Variants in MCM9 observed in about 807,000 individuals in gnomAD.
The protein encoded by MCM9 is minichromosome maintenance 9 homologous recombination repair factor.
Under a neutral mutation model 72.8 loss-of-function variants are expected in MCM9, and 55 were observed. The ratio of observed to expected loss-of-function variants is 0.76; its 90% CI spans 0.61 to 0.95. The LOEUF (loss-of-function observed/expected upper bound fraction) is 0.95. Among genes scored for constraint, MCM9 ranks in the 40% least tolerant of loss-of-function variants. The probability of loss-of-function intolerance (pLI) is 0.00; values close to 1 mark genes in which losing one functional copy is unlikely to be tolerated. For missense variants in MCM9, 1,279 were observed against 1,377.0 expected, an observed-to-expected ratio of 0.93 and a Z score of 1.13; for synonymous variants, 480 against 503.4, an observed-to-expected ratio of 0.95 and a Z score of 0.62.
intron 13 of MCM9, among the ~76,000 whole-genome samples, chr6:118,819,900 A>G (rs183595643): frequency 6.6e-5 from 10 of 152,282 alleles, no homozygotes; most frequent in Admixed American, 3.3e-4. Flanking sequence ...TTTCTAACTT[A>G]TCTGCATAGA....
chr6:118,917,970 G>A, intron 5 of MCM9: 1 of 555,368 alleles, frequency 1.8e-6, no homozygotes, highest in Non-Finnish European at 3.2e-6. Flanking sequence ...AAAGTGAAAA[G>A]CTGAAGTCAG....
intron 8 of MCM9, among the ~76,000 whole-genome samples, chr6:118,890,186 T>C (rs1778854249): frequency 6.6e-6 from 1 of 152,180 alleles, no homozygotes; most frequent in African/African-American, 2.4e-5. Flanking sequence ...CAAGAGTTCA[T>C]TAATCAAGTC....
At chr6:118,912,851 A>G (rs550076166) in intron 7 of MCM9, 1 of 157,056 alleles carries the variant, frequency 6.4e-6, no homozygotes, top group African/African-American at 2.4e-5. Flanking sequence ...CACATTTGCT[A>G]TCTACCAGCA....
intron 13 of MCM9, among the ~76,000 whole-genome samples, chr6:118,819,181 C>G (rs1278043988): frequency 6.6e-6 from 1 of 152,160 alleles, no homozygotes; most frequent in South Asian, 2.1e-4. Flanking sequence ...TGAGAGAGGG[C>G]ATCCTTGTCT....
intron 13 of MCM9, 24 bp downstream of exon 13, chr6:118,826,123 C>T: frequency 6.5e-7 from 1 of 1,538,150 alleles, no homozygotes; most frequent in Non-Finnish European, 8.8e-7. Flanking sequence ...CCATTGTATG[C>T]CTTTCTGGGT....
At chr6:118,844,885 C>A (rs1234406715) in intron 9 of MCM9, among the ~76,000 whole-genome samples, 1 of 151,836 alleles carries the variant, frequency 6.6e-6, no homozygotes, top group East Asian at 1.9e-4. Context: ...TTAAGTGATT[C>A]TTTGTCTTCA....
At chr6:118,886,961 T>A (rs1778646167) in intron 8 of MCM9, among the ~76,000 whole-genome samples, 1 of 151,804 alleles carries the variant, frequency 6.6e-6, no homozygotes, top group African/African-American at 2.4e-5. Flanking sequence ...CAAGATCCTA[T>A]CTCAAAAAAA....
At chr6:118,896,479 A>G (rs1779426186) in intron 8 of MCM9, among the ~76,000 whole-genome samples, 1 of 152,166 alleles carries the variant, frequency 6.6e-6, no homozygotes, top group African/African-American at 2.4e-5. Context: ...CATTGCATAG[A>G]TGAAACCAGC....
In MCM9 at chr6:118,826,765, A is replaced by T. The variant is rs1346991460; in HGVS notation, c.1815+17T>A. 2 of 1,523,710 alleles carry T rather than the reference A, an allele frequency of 1.3e-6. No homozygotes were observed. Among genetic ancestry groups the T allele is most frequent in the African/African-American group, 2.8e-5 (2 of 71,890 alleles). The allele number at this position is 1,523,710 out of a possible 1,614,324, so 94.4% of individuals were successfully genotyped here. On this transcript the variant is annotated intron_variant, in intron 12 of 13. Transcript: ENST00000619706. ...TTTGTAATTAGGATAAAAATTAGGT[A>T]CACAAAATATCCTTACCTGCATTGA...
At chr6:118,866,618 T>C (rs1201836089) in intron 8 of MCM9, among the ~76,000 whole-genome samples, 2 of 152,164 alleles carry the variant, frequency 1.3e-5, no homozygotes, top group East Asian at 3.8e-4. Context: ...TGAGACAGGT[T>C]ACTGGAAATC....
At chr6:118,874,775 A>G (rs530848001) in intron 8 of MCM9, among the ~76,000 whole-genome samples, 8 of 152,370 alleles carry the variant, frequency 5.3e-5, no homozygotes, top group Middle Eastern at 3.4e-3. Flanking sequence ...TTGCTTTCCT[A>G]TATATCAAGA....
At chr6:118,878,874 T>C (rs1778105947) in intron 8 of MCM9, among the ~76,000 whole-genome samples, 1 of 151,718 alleles carries the variant, frequency 6.6e-6, no homozygotes, top group South Asian at 2.1e-4. Context: ...CTGGGCAACA[T>C]GACAAAACCC....
intron 9 of MCM9, among the ~76,000 whole-genome samples, chr6:118,855,970 T>G (rs1313956845): frequency 6.6e-6 from 1 of 152,206 alleles, no homozygotes; most frequent in African/African-American, 2.4e-5. Flanking sequence ...CCATGAGGAT[T>G]TATAAGGAGA....
intron 3 of MCM9, among the ~76,000 whole-genome samples, chr6:118,925,542 A>G (rs1204754974): frequency 6.6e-6 from 1 of 152,208 alleles, no homozygotes; most frequent in Non-Finnish European, 1.5e-5. Flanking sequence ...GTCTACAGAT[A>G]GACTTGAATT....
At chr6:118,834,963 C>A (rs1268922517) in intron 9 of MCM9, among the ~76,000 whole-genome samples, 1 of 152,130 alleles carries the variant, frequency 6.6e-6, no homozygotes, top group East Asian at 1.9e-4. Flanking sequence ...CCTAGGTTTT[C>A]TTCTAGGGTT....
At chr6:118,896,042 T>G (rs1387785817) in intron 8 of MCM9, among the ~76,000 whole-genome samples, 4 of 73,368 alleles carry the variant, frequency 5.5e-5, no homozygotes, top group Admixed American at 4.8e-4. Flanking sequence ...TGTGCCCCCG[T>G]TTTTTTTTTT....
At chr6:118,869,685 A>G (rs1379162111) in intron 8 of MCM9, among the ~76,000 whole-genome samples, 2 of 150,814 alleles carry the variant, frequency 1.3e-5, no homozygotes, top group African/African-American at 4.8e-5. Flanking sequence ...AATGTAAATG[A>G]TTAAATTATC....
intron 8 of MCM9, among the ~76,000 whole-genome samples, chr6:118,864,935 T>A (rs1777126115): frequency 6.6e-6 from 1 of 151,888 alleles, no homozygotes; most frequent in Non-Finnish European, 1.5e-5. Context: ...GGTGGCTACA[T>A]GCCTGCTTGT....
In MCM9 at chr6:118,815,692, CT is replaced by C. The variant is rs1773370581; in HGVS notation, c.2563del (p.Arg855GlyfsTer77). 5.2e-6 allele frequency: 8 copies of C among 1,548,418 alleles called. No individual in the cohort carries two copies. The highest frequency in any genetic ancestry group is 6.1e-6 in the Non-Finnish European group (7 of 1,146,656). On this transcript the variant is annotated frameshift_variant, in exon 14 of 14. Transcript: ENST00000619706. LOFTEE classifies it low-confidence loss of function (END_TRUNC). ...PRNLQKLCKE[R>X]AQKLCRNSTR... Reference sequence around the variant, plus strand: ...GCTATTTCTGCACAACTTCTGGGCCCTCTCTTTGCACAGCTTCTGCAGGTTC... The same window carrying C: ...GCTATTTCTGCACAACTTCTGGGCCCCTCTTTGCACAGCTTCTGCAGGTTC...
Sources: gnomAD v4.1 joint callset for allele counts (sites outside exome capture counted in the v4.1 genomes callset) on GRCh38, gnomAD v4.1.1 for gene constraint, MANE v1.5 for transcripts, NCBI Gene and HGNC (gene_info 2026-07-23, HGNC 2026-07-21) for gene names.